Variants in C1GALT1 observed in about 807,000 individuals in gnomAD.
C1GALT1 encodes core 1 synthase, glycoprotein-N-acetylgalactosamine 3-beta-galactosyltransferase 1.
In C1GALT1, 11 loss-of-function variants were observed where a neutral mutation model predicts 31.0. The ratio of observed to expected loss-of-function variants is 0.36; its 90% CI spans 0.22 to 0.59. The LOEUF (loss-of-function observed/expected upper bound fraction) is 0.59. Among genes scored for constraint, C1GALT1 ranks in the 20% least tolerant of loss-of-function variants. The pLI, the probability that C1GALT1 is intolerant of heterozygous loss-of-function variation, is 0.79. For missense variants in C1GALT1, 424 were observed against 425.2 expected (o/e 1.00, Z 0.03); for synonymous variants, 175 against 143.6 (o/e 1.22, Z -1.56).
At chr7:7,198,310 G>T (rs1781386328) in intron 1 of C1GALT1, among the ~76,000 whole-genome samples, 1 of 152,070 alleles carries the variant, frequency 6.6e-6, no homozygotes, top group South Asian at 2.1e-4. Flanking sequence ...TTTGTCTTTG[G>T]TTCTGTTTAT....
intron 2 of C1GALT1, among the ~76,000 whole-genome samples, chr7:7,169,820 T>A (rs1186355900): frequency 6.6e-6 from 1 of 152,242 alleles, no homozygotes; most frequent in Admixed American, 6.5e-5. Flanking sequence ...GTGCACTTTT[T>A]TGTGATGTCT....
At position 7,245,704 on chromosome 7, in the gene C1GALT1, CAT is replaced by C. The variant is rs988419372; in HGVS notation, c.*1980_*1981del. 3.3e-5 allele frequency: 5 copies of C among 152,166 alleles called. No homozygotes were observed. The highest frequency in any genetic ancestry group is 7.2e-5 in the African/African-American group (3 of 41,446). 9.4% of individuals were successfully genotyped at this position (152,166 alleles called of 1,614,324 possible). A position where few individuals can be genotyped will look rare whatever the true frequency, so the allele number is the denominator to read the frequency against. ...TCACCATGGTGTGGACATGAATTTT[CAT>C]ATGTGTTACTTGACTAGAAGTATAA... On this transcript the variant is annotated 3_prime_UTR_variant, in exon 4 of 4. Transcript: ENST00000436587.
intron 2 of C1GALT1, among the ~76,000 whole-genome samples, chr7:7,158,893 G>A (rs1293733577): frequency 6.6e-6 from 1 of 152,056 alleles, no homozygotes; most frequent in East Asian, 1.9e-4. Flanking sequence ...AAAATTAACT[G>A]TGTTTTAAGG....
chr7:7,200,767 C>A (rs1371348186), intron 1 of C1GALT1, among the ~76,000 whole-genome samples: 1 of 152,198 alleles, frequency 6.6e-6, no homozygotes, highest in Non-Finnish European at 1.5e-5. Context: ...CACTGATACT[C>A]TTTCTTCCAC....
chr7:7,179,428 G>C (rs1193433534), upstream of C1GALT1, among the ~76,000 whole-genome samples: 1 of 152,002 alleles, frequency 6.6e-6, no homozygotes, highest in Non-Finnish European at 1.5e-5. Flanking sequence ...ATTATAAACT[G>C]GTGTTAATAT....
upstream of C1GALT1, among the ~76,000 whole-genome samples, chr7:7,182,060 T>G (rs534009921): frequency 2.7e-4 from 41 of 152,294 alleles, no homozygotes; most frequent in African/African-American, 9.9e-4. Context: ...TTCCTGGTTC[T>G]CACATGATGA....
chr7:7,209,862 A>G (rs941291866), intron 1 of C1GALT1, among the ~76,000 whole-genome samples: 2 of 152,236 alleles, frequency 1.3e-5, no homozygotes, highest in East Asian at 3.9e-4. Context: ...GGGCCGTTTT[A>G]TAAAACGGCC....
rs753262522 is a variant in C1GALT1 at position 7,238,360 on chromosome 7, C to T, written c.326C>T (p.Ala109Val). 45 of 1,614,006 alleles carry T rather than the reference C, an allele frequency of 2.8e-5. No individual in the cohort carries two copies. The South Asian group carries it at 4.6e-4, about 17-fold the overall frequency. ...GAGAAAAAGGCCAAACACGTCAAAG[C>T]TACTTGGGCCCAGCGTTGTAACAAA... ...NLEKKAKHVK[A>V]TWAQRCNKVL... The change falls in exon 3 of 4, where the codon GCT becomes GTT. Residue 109 changes from alanine (A) to valine (V), a missense_variant. Around this residue, in one of 3 missense-constraint regions of C1GALT1, gnomAD observed 189 missense variants for 158.2 expected, o/e 1.19. Coordinates refer to ENST00000436587, the MANE Select transcript of C1GALT1 (RefSeq NM_020156.5). The surrounding 1 kb of genome is among the most constrained non-coding windows in gnomAD (Gnocchi z 5.2).
At chr7:7,196,820 A>G (rs1781308511) in intron 1 of C1GALT1, among the ~76,000 whole-genome samples, 1 of 152,132 alleles carries the variant, frequency 6.6e-6, no homozygotes, top group Non-Finnish European at 1.5e-5. Context: ...GCCAGTGATG[A>G]TGAGCATTTT....
rs1420134865 is a variant in C1GALT1, at chr7:7,238,828, C to T, written c.794C>T (p.Thr265Ile). The change falls in exon 3 of 4, where the codon ACT (threonine) becomes ATT (isoleucine). Residue 265 changes from threonine (T) to isoleucine (I), a missense_variant. This residue lies in a region of C1GALT1 where 191 missense variants were observed against 188.8 expected (regional missense o/e 1.01). Transcript: ENST00000436587. The surrounding 1 kb of genome is among the most constrained non-coding windows in gnomAD (Gnocchi z 5.2). The part of the protein sequence containing the change: ...GDSRDTIGKE[T>I]FHPFVPEHHL... ...TCCAGAGATACCATTGGAAAAGAAA[C>T]TTTTCATCCCTTTGTGCCAGAACAC... 3.1e-6 allele frequency: 5 copies of T among 1,613,754 alleles called. No individual in the cohort carries two copies. The highest frequency in any genetic ancestry group is 4.2e-6 in the Non-Finnish European group (5 of 1,179,890).
intron 2 of C1GALT1, among the ~76,000 whole-genome samples, chr7:7,160,333 C>T (rs541443343): frequency 2.0e-5 from 3 of 152,158 alleles, no homozygotes; most frequent in East Asian, 1.9e-4. Context: ...CCTTCTACCT[C>T]CAACCCCTAA....
chr7:7,238,439 A>T lies in C1GALT1; in HGVS notation c.405A>T (p.Lys135Asn), dbSNP rs754922077. The T allele has an allele frequency of 6.2e-7, 1 of 1,613,802 alleles. No homozygotes were observed. The highest frequency in any genetic ancestry group is 1.3e-5 in the African/African-American group (1 of 74,898). The stretch of plus-strand genomic sequence containing the variant: ...AAGACTTCCCTGCTGTGGGACTGAA[A>T]ACCAAAGAAGGCAGAGATCAACTAT... The part of the protein sequence containing the change: ...ENKDFPAVGL[K>N]TKEGRDQLYW... Residue 135 changes from lysine (K) to asparagine (N), a missense_variant, in exon 3 of 4, where the codon AAA becomes AAT. By Grantham distance (94) the Lys-to-Asn change is moderately conservative. Around this residue, in one of 3 missense-constraint regions of C1GALT1, gnomAD observed 189 missense variants for 158.2 expected, o/e 1.19. Transcript: ENST00000436587. This position sits in a 1 kb window ranked among gnomAD's most constrained non-coding sequence, Gnocchi z 5.2.
chr7:7,191,114 C>T (rs1781053004), intron 1 of C1GALT1, among the ~76,000 whole-genome samples: 1 of 152,080 alleles, frequency 6.6e-6, no homozygotes, highest in South Asian at 2.1e-4. Context: ...AAAACTGAAG[C>T]TCTATATCCG....
At chr7:7,210,688 G>C (rs113753077) in intron 1 of C1GALT1, 1 of 152,012 alleles carries the variant, frequency 6.6e-6, no homozygotes, top group Non-Finnish European at 1.5e-5. Flanking sequence ...CTTCCACCCT[G>C]GTCTTTTAAT....
intron 1 of C1GALT1, among the ~76,000 whole-genome samples, chr7:7,231,232 A>T (rs1258818610): frequency 6.6e-6 from 1 of 152,202 alleles, no homozygotes; most frequent in Non-Finnish European, 1.5e-5. Flanking sequence ...CAATCTTATT[A>T]CACCTTTGAA....
At position 7,231,047 on chromosome 7, in the gene C1GALT1, C is replaced by T. The variant is rs540638723; in HGVS notation, c.-17-3256C>T. Among the ~76,000 whole-genome samples the T allele has an allele frequency of 4.6e-5, 7 of 152,196 alleles. No individual in the cohort carries two copies. The South Asian group carries it at 1.2e-3, about 27-fold the overall frequency. On this transcript the variant is annotated intron_variant, in intron 1 of 3. Transcript: ENST00000436587. ...TCTGCCTGAAGAATTAGAAATAGAA[C>T]TGTTAGTGATAAATTCACTTAGGTT...
rs1456267509 is a variant in C1GALT1, at chr7:7,240,648, C to G, written c.888+1726C>G. The stretch of plus-strand genomic sequence containing the variant: ...ACATACAGTAGTAGCAAAGGGACAT[C>G]ATAATTGGCAAATTTGTTCTTTCTC... On this transcript the variant is annotated intron_variant, in intron 3 of 3. Transcript: ENST00000436587. Among the ~76,000 whole-genome samples the G allele has an allele frequency of 2.6e-5, 4 of 152,066 alleles. 1 individual carries two copies. In the South Asian group the frequency reaches 6.2e-4, roughly 24 times the overall value.
rs1202327644 is a variant in C1GALT1 at position 7,246,033 on chromosome 7, T to TGTAA, written c.*2310_*2313dup. 6.6e-6 allele frequency: 1 copy of TGTAA among 152,168 alleles called. No individual in the cohort carries two copies. Among genetic ancestry groups the TGTAA allele is most frequent in the Non-Finnish European group, 1.5e-5 (1 of 68,034 alleles). The allele number at this position is 152,168 out of a possible 1,614,324, so 9.4% of individuals were successfully genotyped here. ...GTATTATTATTCTGTTACCTTGGAG[T>TGTAA]GTAAGTACTGCATTTAAGTGAATGA... On this transcript the variant is annotated 3_prime_UTR_variant, in exon 4 of 4. Coordinates refer to ENST00000436587, the MANE Select transcript of C1GALT1 (RefSeq NM_020156.5).
chr7:7,182,836 G>A lies in C1GALT1; in HGVS notation c.-18+16G>A. ...CTGATGTCAGGTATGGCCGGCGGAG[G>A]CGCCCTCAGGCTACGGGTCCAAGGT... On this transcript the variant is annotated intron_variant, in intron 1 of 3. Transcript: ENST00000436587. 1.0e-6 allele frequency: 1 copy of A among 985,536 alleles called. No homozygotes were observed. Among genetic ancestry groups the A allele is most frequent in the Non-Finnish European group, 1.2e-6 (1 of 830,076 alleles). The allele number at this position is 985,536 out of a possible 1,614,324, so 61.0% of individuals were successfully genotyped here. A position where few individuals can be genotyped will look rare whatever the true frequency, so the allele number is the denominator to read the frequency against.
Sources: allele counts gnomAD v4.1 joint callset (sites outside exome capture counted in the v4.1 genomes callset), GRCh38; gene constraint gnomAD v4.1.1; regional missense constraint gnomAD v4.1.1; non-coding constraint Gnocchi (gnomAD v3.1); transcripts MANE v1.5; gene names NCBI Gene and HGNC (gene_info 2026-07-23, HGNC 2026-07-21).